PREX2: variants seen among roughly 807,000 people sequenced by gnomAD.
PREX2 encodes the protein phosphatidylinositol 3,4,5-trisphosphate-dependent Rac exchanger 2 protein.
A neutral mutation model predicts 203.2 loss-of-function variants in PREX2; 107 were observed. The observed-to-expected ratio is 0.53, with a 90% CI of 0.45 to 0.62. The LOEUF (loss-of-function observed/expected upper bound fraction) is 0.62. Ranked by LOEUF, PREX2 falls within the 20% of genes least tolerant of loss-of-function variation. The pLI, the probability that PREX2 is intolerant of heterozygous loss-of-function variation, is 0.00. For missense variants in PREX2, 1,777 were observed against 1,955.9 expected, an observed-to-expected ratio of 0.91 and a Z score of 1.72; for synonymous variants, 672 against 663.6, an observed-to-expected ratio of 1.01 and a Z score of -0.19.
chr8:67,970,530 C>T (rs1236645318), intron 1 of PREX2, among the ~76,000 whole-genome samples: 6 of 152,224 alleles, frequency 3.9e-5, no homozygotes, highest in African/African-American at 1.4e-4. Context: ...CAGTTCTCAG[C>T]TCCAACAACC....
At chr8:67,952,594 A>G in intron 1 of PREX2, 59 bp downstream of exon 1, 9 of 1,573,398 alleles carry the variant, frequency 5.7e-6, no homozygotes, top group Non-Finnish European at 7.8e-6. Context: ...CGGGTCCCGG[A>G]GTGGCTGCGG....
At chr8:67,957,189 C>A (rs1027156545) in intron 1 of PREX2, among the ~76,000 whole-genome samples, 4 of 152,222 alleles carry the variant, frequency 2.6e-5, no homozygotes, top group African/African-American at 7.2e-5. Flanking sequence ...CCCCACTTCT[C>A]TTCGTTTCCT....
intron 1 of PREX2, among the ~76,000 whole-genome samples, chr8:67,969,066 C>G (rs1167982427): frequency 2.0e-5 from 3 of 152,210 alleles, no homozygotes; most frequent in African/African-American, 7.2e-5. Context: ...TGCCAGTCAT[C>G]AGGTTGTCGT....
At chr8:68,090,444 A>C in intron 19 of PREX2, 135 bp from the exon 20 acceptor site, 1 of 724,230 alleles carries the variant, frequency 1.4e-6, no homozygotes, top group Non-Finnish European at 2.1e-6. Context: ...CATTGCTCTC[A>C]GAACCAAGTT....
At chr8:68,061,548 A>G (rs901252027) in intron 11 of PREX2, among the ~76,000 whole-genome samples, 39 of 152,304 alleles carry the variant, frequency 2.6e-4, no homozygotes, top group African/African-American at 8.4e-4. Flanking sequence ...GTGGGCATGA[A>G]AAAACCCATG....
At chr8:68,053,291 A>G in intron 9 of PREX2, 45 bp downstream of exon 9, 3 of 1,593,794 alleles carry the variant, frequency 1.9e-6, no homozygotes, top group Admixed American at 1.7e-5. Flanking sequence ...GAAGACTCTA[A>G]CTTAGCATAG....
chr8:67,975,023 A>G (rs940858817), intron 1 of PREX2, among the ~76,000 whole-genome samples: 1 of 152,036 alleles, frequency 6.6e-6, no homozygotes, highest in African/African-American at 2.4e-5. Context: ...GGGCTTGTGC[A>G]CCTCTCTCTG....
chr8:67,972,201 G>A (rs899075886), intron 1 of PREX2, among the ~76,000 whole-genome samples: 16 of 152,068 alleles, frequency 1.1e-4, no homozygotes, highest in African/African-American at 2.9e-4. Context: ...ATGAGTAATC[G>A]CCCTTGATTT....
intron 27 of PREX2, chr8:68,118,972 C>A (rs543744374): frequency 6.3e-6 from 3 of 478,064 alleles, no homozygotes; most frequent in African/African-American, 1.9e-5. Flanking sequence ...TGGGGATGGG[C>A]AGGTGTGGAG....
intron 33 of PREX2, among the ~76,000 whole-genome samples, chr8:68,143,721 T>C (rs1382581067): frequency 1.3e-5 from 2 of 152,184 alleles, no homozygotes; most frequent in Admixed American, 1.3e-4. Flanking sequence ...ATTATTTCTT[T>C]CATGGATTGT....
At position 68,097,179 on chromosome 8, in the gene PREX2, G is replaced by C; in HGVS notation, c.2531G>C (p.Gly844Ala). 1 of 1,612,944 alleles carries C rather than the reference G, an allele frequency of 6.2e-7. No homozygotes were observed. The highest frequency in any genetic ancestry group is 1.1e-5 in the South Asian group (1 of 90,992). Reference protein sequence around the residue: ...NVVEKMIEPKGFFSLTAKILE... With the variant: ...NVVEKMIEPKAFFSLTAKILE... ...GTGGAAAAGATGATTGAGCCCAAAG[G>C]TTTCTTCAGCTTAACTGCCAAGGTA... Residue 844 changes from glycine (G) to alanine (A), a missense_variant, in exon 22 of 40, where the codon GGT becomes GCT. Coordinates refer to ENST00000288368, the MANE Select transcript of PREX2 (RefSeq NM_024870.4).
At position 68,224,712 on chromosome 8, in the gene PREX2, A is replaced by G. The variant is rs1243482674; in HGVS notation, c.4775+86A>G. The G allele has an allele frequency of 3.0e-6, 3 of 986,036 alleles. No individual in the cohort carries two copies. The Admixed American group carries it at 5.5e-5, about 18-fold the overall frequency. The allele number at this position is 986,036 out of a possible 1,614,324, so 61.1% of individuals were successfully genotyped here. A position where few individuals can be genotyped will look rare whatever the true frequency, so the allele number is the denominator to read the frequency against. On this transcript the variant is annotated intron_variant, in intron 39 of 39. Coordinates refer to ENST00000288368, the MANE Select transcript of PREX2 (RefSeq NM_024870.4). The stretch of plus-strand genomic sequence containing the variant: ...GTCCCTCCGCTAATGCAACTGATCT[A>G]GGATGTGCCCCGTGTCGTACTGATT...
At chr8:68,222,328 A>C (rs1812968956) in intron 38 of PREX2, among the ~76,000 whole-genome samples, 1 of 151,966 alleles carries the variant, frequency 6.6e-6, no homozygotes, top group Non-Finnish European at 1.5e-5. Flanking sequence ...GAACATCTTG[A>C]GGTGCCAGAA....
intron 33 of PREX2, among the ~76,000 whole-genome samples, chr8:68,139,101 T>C (rs1216871174): frequency 6.6e-6 from 1 of 152,146 alleles, no homozygotes; most frequent in Non-Finnish European, 1.5e-5. Flanking sequence ...AGATATCTCT[T>C]ATGGGGCTTA....
Position 68,191,655 on chromosome 8 carries a change from A to C in PREX2, c.4347-67A>C. On this transcript the variant is annotated intron_variant, in intron 35 of 39. Coordinates refer to ENST00000288368, the MANE Select transcript of PREX2 (RefSeq NM_024870.4). The stretch of plus-strand genomic sequence containing the variant: ...TTTAAAAAAAAGTCAGTGATTCTTG[A>C]ACATCTTCATGCATATTATGTCTTT... 5.3e-6 allele frequency: 6 copies of C among 1,128,026 alleles called. No homozygotes were observed. The South Asian group carries it at 7.8e-5, about 15-fold the overall frequency. 69.9% of individuals were successfully genotyped at this position (1,128,026 alleles called of 1,614,324 possible). A position where few individuals can be genotyped will look rare whatever the true frequency, so the allele number is the denominator to read the frequency against.
rs984252518 is a variant in PREX2 at position 68,217,629 on chromosome 8, G to A, written c.4618G>A (p.Val1540Met). 5.6e-6 allele frequency: 9 copies of A among 1,613,972 alleles called. No homozygotes were observed. The highest frequency in any genetic ancestry group is 2.7e-5 in the African/African-American group (2 of 74,946). The change falls in exon 38 of 40, where the codon GTG (valine) becomes ATG (methionine). Residue 1540 changes from valine to methionine, a missense_variant. By Grantham distance (21) the Val-to-Met change is conservative. Transcript: ENST00000288368. ...CTTGGCCCACAGGTGCACCCTGAGC[G>A]TGACGCTGGAGCAAGCCATCATTCT... ...SSGVHRCTLSVTLEQAIILAR... is the reference protein window; with the variant it reads ...SSGVHRCTLSMTLEQAIILAR...
intron 35 of PREX2, among the ~76,000 whole-genome samples, chr8:68,168,909 C>CTTTT (rs60305267): frequency 2.7e-5 from 4 of 149,256 alleles, no homozygotes; most frequent in African/African-American, 9.9e-5. Flanking sequence ...CAGAAGATGA[C>CTTTT]TTTTTTTTTT....
At chr8:68,135,163 G>C (rs935204250) in intron 32 of PREX2, among the ~76,000 whole-genome samples, 1 of 150,466 alleles carries the variant, frequency 6.6e-6, no homozygotes, top group Non-Finnish European at 1.5e-5. Context: ...TTAACACATG[G>C]TAGGCATCAA....
chr8:67,981,600 G>A (rs1294162827), intron 1 of PREX2, among the ~76,000 whole-genome samples: 2 of 152,150 alleles, frequency 1.3e-5, no homozygotes, highest in African/African-American at 4.8e-5. Context: ...TGACAAGTTC[G>A]CTGTGTAACT....
Sources: gnomAD v4.1 joint callset for allele counts (sites outside exome capture counted in the v4.1 genomes callset) on GRCh38, gnomAD v4.1.1 for gene constraint, MANE v1.5 for transcripts, NCBI Gene and HGNC (gene_info 2026-07-23, HGNC 2026-07-21) for gene names.